SVEP1: variants seen among roughly 807,000 people sequenced by gnomAD.
SVEP1 encodes the protein sushi, von Willebrand factor type A, EGF and pentraxin domain containing 1.
A neutral mutation model predicts 367.3 loss-of-function variants in SVEP1; 164 were observed. The ratio of observed to expected loss-of-function variants is 0.45; its 90% CI spans 0.39 to 0.51. The LOEUF (loss-of-function observed/expected upper bound fraction) is 0.51. SVEP1 is among the 20% of genes least tolerant of loss of function. SVEP1 has a pLI of 0.00. For missense variants in SVEP1, 4,117 were observed against 4,425.3 expected, an observed-to-expected ratio of 0.93 and a Z score of 1.98; for synonymous variants, 1,666 against 1,611.6, an observed-to-expected ratio of 1.03 and a Z score of -0.81.
At chr9:110,576,480 C>T (rs1412130078) in intron 1 of SVEP1, among the ~76,000 whole-genome samples, 2 of 151,826 alleles carry the variant, frequency 1.3e-5, no homozygotes, top group African/African-American at 4.8e-5. Flanking sequence ...GTCAAGGAAG[C>T]TATGTACCAA....
chr9:110,508,499 C>T (rs1012179560), intron 5 of SVEP1, among the ~76,000 whole-genome samples: 2 of 152,034 alleles, frequency 1.3e-5, no homozygotes, highest in Non-Finnish European at 2.9e-5. Flanking sequence ...CGGTGGCTCA[C>T]GCCTGTAATC....
chr9:110,450,260 C>T lies in SVEP1; in HGVS notation c.3902G>A (p.Gly1301Asp). 5 of 1,613,518 alleles carry T rather than the reference C, an allele frequency of 3.1e-6. No homozygotes were observed. Among genetic ancestry groups the T allele is most frequent in the Non-Finnish European group, 4.2e-6 (5 of 1,179,674 alleles). The change falls in exon 24 of 48, where the codon GGC becomes GAC. Residue 1301 changes from glycine (G) to aspartate (D), a missense_variant and splice_region_variant. This residue lies in a region of SVEP1 where 2,174 missense variants were observed against 2,494.3 expected (regional missense o/e 0.87). Coordinates refer to ENST00000374469, the MANE Select transcript of SVEP1 (RefSeq NM_153366.4). Reference sequence around the variant, plus strand: ...ATTGACTTCTGTTTCACAATGCAGGCCTGAGGATGGAGAAGGAAGAGAAAC... The same window carrying T: ...ATTGACTTCTGTTTCACAATGCAGGTCTGAGGATGGAGAAGGAAGAGAAAC... ...YRCTCVKGFV[G>D]LHCETEVNEC...
intron 17 of SVEP1, among the ~76,000 whole-genome samples, chr9:110,467,027 T>C (rs765151437): frequency 6.6e-6 from 1 of 152,146 alleles, no homozygotes; most frequent in South Asian, 2.1e-4. Context: ...CTTTTCACCA[T>C]TGCTAACATG....
chr9:110,515,332 G>A (rs906070767), intron 3 of SVEP1, among the ~76,000 whole-genome samples: 2 of 129,914 alleles, frequency 1.5e-5, no homozygotes, highest in African/African-American at 3.0e-5. Context: ...ACGGAGTCTC[G>A]CTCTGTCCCC....
intron 3 of SVEP1, among the ~76,000 whole-genome samples, chr9:110,527,282 GA>G (rs1234328645): frequency 6.6e-6 from 1 of 151,630 alleles, no homozygotes; most frequent in East Asian, 1.9e-4. Context: ...TATTTCAAAA[GA>G]AAAAATGTAA....
chr9:110,440,947 G>A (rs1032367978), intron 27 of SVEP1, among the ~76,000 whole-genome samples: 2 of 152,110 alleles, frequency 1.3e-5, no homozygotes, highest in Admixed American at 6.5e-5. Context: ...TTAGGCCATA[G>A]GAATGCAATT....
intron 17 of SVEP1, among the ~76,000 whole-genome samples, chr9:110,468,502 C>G (rs1828970975): frequency 6.6e-6 from 1 of 152,128 alleles, no homozygotes; most frequent in African/African-American, 2.4e-5. Context: ...ATCATAAAAC[C>G]TAGAAATAAT....
intron 13 of SVEP1, 33 bp from the exon 14 acceptor site, chr9:110,476,348 A>T: frequency 1.3e-6 from 2 of 1,502,964 alleles, no homozygotes; most frequent in Non-Finnish European, 1.9e-6. Context: ...ATAAAGTGTA[A>T]ATCACTTTTC....
chr9:110,578,955 G>T, intron 1 of SVEP1, 58 bp downstream of exon 1: 1 of 1,522,124 alleles, frequency 6.6e-7, no homozygotes, highest in Non-Finnish European at 8.8e-7. Context: ...CGGGCAGGCA[G>T]CGGTGGGTCG....
chr9:110,553,910 C>T (rs566916025), intron 1 of SVEP1, among the ~76,000 whole-genome samples: 35 of 152,224 alleles, frequency 2.3e-4, no homozygotes, highest in Non-Finnish European at 2.9e-5. Context: ...GTTTCCCCAC[C>T]GCAAGCCTAT....
chr9:110,544,594 A>T (rs1361532217), intron 3 of SVEP1, among the ~76,000 whole-genome samples: 1 of 150,838 alleles, frequency 6.6e-6, no homozygotes, highest in Non-Finnish European at 1.5e-5. Context: ...GAGACGGAAA[A>T]ATTACAAATG....
rs976135890 is a variant in SVEP1, at chr9:110,385,931, C to T, written c.10204G>A (p.Glu3402Lys). ...TTGGCGCTTGTCTGTGTCCACGTCTCGTCGGGGTTGCAGGTAATGATGCCG... is the reference window on the plus strand; with the variant it reads ...TTGGCGCTTGTCTGTGTCCACGTCTTGTCGGGGTTGCAGGTAATGATGCCG... The part of the protein sequence containing the change: ...GHGIITCNPD[E>K]TWTQTSAKCE... The change falls in exon 43 of 48, where the codon GAG becomes AAG. Residue 3402 changes from glutamate to lysine, a missense_variant. By Grantham distance (56) the Glu-to-Lys change is moderately conservative. Around this residue, in one of 4 missense-constraint regions of SVEP1, gnomAD observed 1,765 missense variants for 1,781.1 expected, o/e 0.99. Transcript: ENST00000374469. The T allele has an allele frequency of 6.8e-6, 11 of 1,613,842 alleles. No homozygotes were observed. The highest frequency in any genetic ancestry group is 1.1e-5 in the South Asian group (1 of 91,060).
chr9:110,391,255 G>T (rs1223030682), intron 40 of SVEP1, among the ~76,000 whole-genome samples: 1 of 147,462 alleles, frequency 6.8e-6, no homozygotes, highest in Non-Finnish European at 1.5e-5. Flanking sequence ...CAACCTGATG[G>T]GTCATTACTT....
Position 110,366,531 on chromosome 9 carries a change from T to C in SVEP1, c.*8A>G, listed in dbSNP as rs778659235. On this transcript the variant is annotated 3_prime_UTR_variant, in exon 48 of 48. Transcript: ENST00000374469. ...TGCTTTTGGGAGAGCCAGATGGTCG[T>C]GCAGTGGTTAAAACCCAGTCCTCCT... 27 of 1,555,322 alleles carry C rather than the reference T, an allele frequency of 1.7e-5. No individual in the cohort carries two copies. The African/African-American group carries it at 3.2e-4, about 19-fold the overall frequency.
chr9:110,539,215 T>C (rs143155837), intron 3 of SVEP1, among the ~76,000 whole-genome samples: 1 of 152,114 alleles, frequency 6.6e-6, no homozygotes, highest in African/African-American at 2.4e-5. Context: ...GCAACACTTA[T>C]GAAGGAGGAA....
chr9:110,524,081 T>G (rs995927864), intron 3 of SVEP1, among the ~76,000 whole-genome samples: 1 of 152,062 alleles, frequency 6.6e-6, no homozygotes, highest in African/African-American at 2.4e-5. Flanking sequence ...CATCAAAAAT[T>G]ATAAACTATG....
At chr9:110,545,519 TC>T (rs1454963065) in intron 3 of SVEP1, among the ~76,000 whole-genome samples, 3 of 152,196 alleles carry the variant, frequency 2.0e-5, no homozygotes, top group Non-Finnish European at 4.4e-5. Context: ...TTGTGGAGGC[TC>T]CTGAAGAGTT....
intron 18 of SVEP1, among the ~76,000 whole-genome samples, chr9:110,464,900 AGGCTG>A (rs1828911429): frequency 6.6e-6 from 1 of 151,506 alleles, no homozygotes; most frequent in Non-Finnish European, 1.5e-5. Flanking sequence ...TTCTGGAAGT[AGGCTG>A]ACCTTGACTG....
rs200317099 is a variant in SVEP1, at chr9:110,391,270, TC to T, written c.9823-1684del. On this transcript the variant is annotated intron_variant, in intron 40 of 47. Transcript: ENST00000374469. ...CAACCTGATGGGTCATTACTTTTTG[TC>T]TTTTTTTTTTTTTTTTTGAGACAGA... Among the ~76,000 whole-genome samples, 2,829 of 104,654 alleles carry T rather than the reference TC, an allele frequency of 0.027. 211 individuals are homozygous for T. In the East Asian group the frequency reaches 0.29, roughly 11 times the overall value. The allele number at this position is 104,654 out of a possible 152,430, so 68.7% of individuals were successfully genotyped here. A position where few individuals can be genotyped will look rare whatever the true frequency, so the allele number is the denominator to read the frequency against.
Sources: gnomAD v4.1 joint callset for allele counts (sites outside exome capture counted in the v4.1 genomes callset) on GRCh38, gnomAD v4.1.1 for gene constraint, gnomAD v4.1.1 regional missense constraint, MANE v1.5 for transcripts, NCBI Gene and HGNC (gene_info 2026-07-23, HGNC 2026-07-21) for gene names.